The following NOS2 variants were observed in gnomAD, a reference collection of about 807,000 sequenced individuals.
NOS2 encodes the protein nitric oxide synthase, inducible.
NOS2 carries 96 observed loss-of-function variants against 136.0 expected under a neutral mutation model. The observed-to-expected ratio is 0.71, with a 90% CI of 0.60 to 0.84. NOS2 has a LOEUF of 0.84. NOS2 is among the 40% of genes least tolerant of loss of function. The pLI, the probability that NOS2 is intolerant of heterozygous loss-of-function variation, is 0.00. For synonymous variants in NOS2, 539 were observed against 587.5 expected (o/e 0.92, Z 1.20); for missense variants, 1,237 against 1,496.9 (o/e 0.83, Z 2.87).
chr17:27,787,501 C>T (rs1341120682), intron 5 of NOS2, among the ~76,000 whole-genome samples, 177 bp downstream of exon 5: 6 of 152,144 alleles, frequency 3.9e-5, no homozygotes, highest in Non-Finnish European at 8.8e-5. Context: ...TTATGAGAAC[C>T]TGCTCCAGGG....
chr17:27,763,501 G>A (rs1249029805), intron 21 of NOS2, among the ~76,000 whole-genome samples: 1 of 152,214 alleles, frequency 6.6e-6, no homozygotes, highest in Non-Finnish European at 1.5e-5. Context: ...CTATAATGAT[G>A]ATGATAATAA....
In NOS2 at chr17:27,767,736, C is replaced by A. The variant is rs1322185191; in HGVS notation, c.2136G>T (p.Val712=). The A allele has an allele frequency of 6.2e-7, 1 of 1,613,654 alleles. No individual in the cohort carries two copies. The highest frequency in any genetic ancestry group is 1.7e-5 in the Admixed American group (1 of 60,018). ...TGAGGTCCAAAGGCTGTGAGTCCTG[C>A]ACGAGCCTGTAGTGGTGCGGGTCCC... is the stretch of plus-strand genomic sequence containing the variant. ...VTWDPHHYRL[V]QDSQPLDLSK... The change falls in exon 18 of 27, where the codon GTG becomes GTT. Residue 712 remains valine, a synonymous_variant. Transcript: ENST00000313735.
chr17:27,767,000 CA>C (rs11428460), intron 18 of NOS2, among the ~76,000 whole-genome samples: 396 of 42,790 alleles, frequency 9.3e-3, no homozygotes, highest in Middle Eastern at 0.033. Context: ...GACTCCGTCT[CA>C]AAAAAAAAAA....
intron 16 of NOS2, 59 bp from the exon 17 acceptor site, chr17:27,769,210 AC>A: frequency 6.7e-7 from 1 of 1,501,440 alleles, no homozygotes. Flanking sequence ...GGCACCCAGC[AC>A]CCAGCACCAA....
intron 18 of NOS2, among the ~76,000 whole-genome samples, chr17:27,767,305 C>T (rs1412447673): frequency 6.6e-6 from 1 of 152,260 alleles, no homozygotes; most frequent in African/African-American, 2.4e-5. Flanking sequence ...GCTGCCTTCG[C>T]AGCTGGAAGG....
At position 27,760,024 on chromosome 17, in the gene NOS2, A is replaced by C; in HGVS notation, c.3159+6T>G. 6.6e-7 allele frequency: 1 copy of C among 1,514,832 alleles called. No homozygotes were observed. The allele number at this position is 1,514,832 out of a possible 1,614,324, so 93.8% of individuals were successfully genotyped here. ...AATGCTTCACCTGCTTTGAGGCTGC[A>C]TTTACCTTGGGCTTGCCAGGCAGGC... On this transcript the variant is annotated splice_donor_region_variant and intron_variant, in intron 25 of 26. Transcript: ENST00000313735.
rs28944183 is a variant in NOS2, at chr17:27,763,461, G to A, written c.2593-456C>T. Among the ~76,000 whole-genome samples the A allele has an allele frequency of 5.1e-4, 77 of 152,302 alleles. 2 individuals are homozygous for A. In the East Asian group the frequency reaches 7.3e-3, roughly 14 times the overall value. On this transcript the variant is annotated intron_variant, in intron 21 of 26. Transcript: ENST00000313735. ...TACATTGCAGCCACAAAATAATGGC[G>A]GTGGAGGTAGCTTAAATTGAGATAA... is the stretch of plus-strand genomic sequence containing the variant.
chr17:27,784,133 A>AACACACAC (rs3838880), intron 5 of NOS2, among the ~76,000 whole-genome samples: 66 of 147,118 alleles, frequency 4.5e-4, no homozygotes, highest in African/African-American at 9.3e-4. Context: ...AAGGCTTTGA[A>AACACACAC]ACACACACAC....
At chr17:27,795,931 A>G (rs911778669) in intron 2 of NOS2, among the ~76,000 whole-genome samples, 6 of 152,146 alleles carry the variant, frequency 3.9e-5, no homozygotes, top group African/African-American at 1.4e-4. Flanking sequence ...GAATGGTCCA[A>G]AGACACAAGT....
chr17:27,771,740 A>C lies in NOS2; in HGVS notation c.1704+568T>G, dbSNP rs1279291924. On this transcript the variant is annotated intron_variant, in intron 14 of 26. Coordinates refer to ENST00000313735, the MANE Select transcript of NOS2 (RefSeq NM_000625.4). ...CCTCTGTGCATTAACAATGGCATTG[A>C]CGCCTGCTTTGCAGGGCGCTGGGAG... Among the ~76,000 whole-genome samples the C allele has an allele frequency of 2.6e-5, 4 of 151,544 alleles. 1 individual carries two copies. The highest frequency in any genetic ancestry group is 4.4e-5 in the Non-Finnish European group (3 of 67,882).
intron 19 of NOS2, among the ~76,000 whole-genome samples, chr17:27,766,105 C>A (rs1908293289): frequency 6.6e-6 from 1 of 152,230 alleles, no homozygotes; most frequent in Non-Finnish European, 1.5e-5. Flanking sequence ...GCGGGGAGGA[C>A]AGCACAGATC....
chr17:27,765,032 G>T (rs1006676280), intron 20 of NOS2, among the ~76,000 whole-genome samples: 1 of 152,176 alleles, frequency 6.6e-6, no homozygotes, highest in Non-Finnish European at 1.5e-5. Context: ...AGGCTGGAGT[G>T]TAGTGGCGAG....
chr17:27,789,213 G>T (rs978574403), intron 3 of NOS2, among the ~76,000 whole-genome samples: 5 of 152,208 alleles, frequency 3.3e-5, no homozygotes, highest in Non-Finnish European at 5.9e-5. Context: ...GAGGTGAGAA[G>T]GATGACTGTC....
chr17:27,787,593 T>C, intron 5 of NOS2, 85 bp downstream of exon 5: 1 of 1,050,304 alleles, frequency 9.5e-7, no homozygotes, highest in Non-Finnish European at 1.4e-6. Context: ...AAAAGGGATC[T>C]AGCTAGGATC....
intron 24 of NOS2, 46 bp downstream of exon 24, chr17:27,760,577 G>T: frequency 1.9e-6 from 3 of 1,550,666 alleles, no homozygotes; most frequent in Non-Finnish European, 2.6e-6. Context: ...CTAGGCAGGC[G>T]CTGGCCCCCT....
At chr17:27,777,774 G>A (rs1306829239) in intron 11 of NOS2, among the ~76,000 whole-genome samples, 4 of 152,190 alleles carry the variant, frequency 2.6e-5, no homozygotes, top group South Asian at 2.1e-4. Context: ...GCCCGGCACC[G>A]TGGCTTATGC....
chr17:27,767,000 C>CAAAAAAAAAAAAAA lies in NOS2; in HGVS notation c.2168-426_2168-413dup. On this transcript the variant is annotated intron_variant, in intron 18 of 26. Coordinates refer to ENST00000313735, the MANE Select transcript of NOS2 (RefSeq NM_000625.4). ...TGGACGACAGACCGAGACTCCGTCTCAAAAAAAAAAAAAAAAAAAAAAAAG... is the reference window on the plus strand; with the variant it reads ...TGGACGACAGACCGAGACTCCGTCTCAAAAAAAAAAAAAAAAAAAAAAAAAAAAAAAAAAAAAAG... 4.7e-5 allele frequency among the ~76,000 whole-genome samples: 2 copies of CAAAAAAAAAAAAAA among 42,790 alleles called. 1 individual carries two copies. The highest frequency in any genetic ancestry group is 9.0e-5 in the Non-Finnish European group (2 of 22,108). The allele number at this position is 42,790 out of a possible 152,430, so 28.1% of individuals were successfully genotyped here. A position where few individuals can be genotyped will look rare whatever the true frequency, so the allele number is the denominator to read the frequency against.
rs56767383 is a variant in NOS2 at position 27,794,714 on chromosome 17, GCACACA to G, written c.110+3980_110+3985del. 1.9e-3 allele frequency among the ~76,000 whole-genome samples: 281 copies of G among 145,602 alleles called. 1 individual carries two copies. The highest frequency in any genetic ancestry group is 6.6e-3 in the South Asian group (30 of 4,524). ...TACACACATGCGTACACACACACGC[GCACACA>G]CACACACACACACACACACACACAC... On this transcript the variant is annotated intron_variant, in intron 2 of 26. Transcript: ENST00000313735.
chr17:27,762,568 G>A (rs987963290), intron 22 of NOS2, among the ~76,000 whole-genome samples: 3 of 152,162 alleles, frequency 2.0e-5, no homozygotes, highest in African/African-American at 7.2e-5. Context: ...CCTGTAAAAT[G>A]CACACAGTGC....
Sources: gnomAD v4.1 joint callset for allele counts (sites outside exome capture counted in the v4.1 genomes callset) on GRCh38, gnomAD v4.1.1 for gene constraint, MANE v1.5 for transcripts, NCBI Gene and HGNC (gene_info 2026-07-23, HGNC 2026-07-21) for gene names.